Variants in ZMIZ2 observed in about 807,000 individuals in gnomAD.
ZMIZ2 encodes the protein zinc finger MIZ domain-containing protein 2.
A neutral mutation model predicts 93.9 loss-of-function variants in ZMIZ2; 26 were observed. That is an observed-to-expected ratio of 0.28 (90% CI 0.20 to 0.38). ZMIZ2 has a LOEUF of 0.38. ZMIZ2 is among the 10% of genes least tolerant of loss of function. The pLI is 1.00. For missense variants in ZMIZ2, 1,023 were observed against 1,235.0 expected, an observed-to-expected ratio of 0.83 and a Z score of 2.57; for synonymous variants, 485 against 516.4, an observed-to-expected ratio of 0.94 and a Z score of 0.82.
chr7:44,759,467 C>T lies in ZMIZ2; in HGVS notation c.993+7C>T. The T allele has an allele frequency of 6.7e-7, 1 of 1,483,868 alleles. No individual in the cohort carries two copies. Among genetic ancestry groups the T allele is most frequent in the South Asian group, 1.4e-5 (1 of 73,108 alleles). 91.9% of individuals were successfully genotyped at this position (1,483,868 alleles called of 1,614,324 possible). A position where few individuals can be genotyped will look rare whatever the true frequency, so the allele number is the denominator to read the frequency against. On this transcript the variant is annotated splice_region_variant and intron_variant, in intron 7 of 18. Transcript: ENST00000309315. ...CACGGGACTGCATTATAAGGTAGGG[C>T]AGGCTCCTCCAGGCCCTGTGCCGGG...
Position 44,763,121 on chromosome 7 carries a change from G to T in ZMIZ2, c.1702+135G>T. Reference sequence around the variant, plus strand: ...TTGGACAGGTGGCTCTGCAGTAGGGGCAGTGGTTAGTTCCAGGTGGCCCCT... The same window carrying T: ...TTGGACAGGTGGCTCTGCAGTAGGGTCAGTGGTTAGTTCCAGGTGGCCCCT... On this transcript the variant is annotated intron_variant, in intron 12 of 18. Transcript: ENST00000309315. The surrounding 1 kb of genome is among the most constrained non-coding windows in gnomAD (Gnocchi z 5.6). The T allele has an allele frequency of 6.9e-7, 1 of 1,444,060 alleles. No homozygotes were observed. Among genetic ancestry groups the T allele is most frequent in the Admixed American group, 1.9e-5 (1 of 53,026 alleles). The allele number at this position is 1,444,060 out of a possible 1,614,324, so 89.5% of individuals were successfully genotyped here. A position where few individuals can be genotyped will look rare whatever the true frequency, so the allele number is the denominator to read the frequency against.
chr7:44,758,957 C>T (rs1462051048), intron 6 of ZMIZ2, among the ~76,000 whole-genome samples: 14 of 151,380 alleles, frequency 9.2e-5, no homozygotes, highest in Non-Finnish European at 2.9e-5. Context: ...TGGTGTGCAC[C>T]TGTAATTCCA....
rs1164901915 is a variant in ZMIZ2, at chr7:44,767,500, T to G, written c.2656-16T>G. On this transcript the variant is annotated splice_polypyrimidine_tract_variant and intron_variant, in intron 18 of 18. Coordinates refer to ENST00000309315, the MANE Select transcript of ZMIZ2 (RefSeq NM_031449.4). ...TCAGTGACCAAAGCTGCTAACAGAG[T>G]TCACTTTGTCCTCAGCTGCTCCCGG... 1.2e-6 allele frequency: 2 copies of G among 1,608,794 alleles called. No individual in the cohort carries two copies. Among genetic ancestry groups the G allele is most frequent in the African/African-American group, 2.7e-5 (2 of 74,774 alleles).
At position 44,766,132 on chromosome 7, in the gene ZMIZ2, C is replaced by A. The variant is rs779313728; in HGVS notation, c.2243-32C>A. 6.3e-7 allele frequency: 1 copy of A among 1,577,696 alleles called. No individual in the cohort carries two copies. Among genetic ancestry groups the A allele is most frequent in the South Asian group, 1.2e-5 (1 of 86,372 alleles). On this transcript the variant is annotated intron_variant, in intron 16 of 18. Coordinates refer to ENST00000309315, the MANE Select transcript of ZMIZ2 (RefSeq NM_031449.4). This position sits in a 1 kb window ranked among gnomAD's most constrained non-coding sequence, Gnocchi z 4.4. ...CTCTGCCAGCGGTGGCCTTCCCCAG[C>A]CCTCACCCAGGCCCCGACTCTCCTC...
In ZMIZ2 at chr7:44,766,043, G is replaced by A. The variant is rs769724622; in HGVS notation, c.2243-121G>A. The A allele has an allele frequency of 4.7e-5, 69 of 1,463,172 alleles. No individual in the cohort carries two copies. Among genetic ancestry groups the A allele is most frequent in the Non-Finnish European group, 5.6e-5 (62 of 1,115,550 alleles). The allele number at this position is 1,463,172 out of a possible 1,614,324, so 90.6% of individuals were successfully genotyped here. A position where few individuals can be genotyped will look rare whatever the true frequency, so the allele number is the denominator to read the frequency against. ...CCAAATAGCGACTTCTGCAAAACCC[G>A]CTGTTGTTTGTGGGTGAGCACTGCA... On this transcript the variant is annotated intron_variant, in intron 16 of 18. Transcript: ENST00000309315. The surrounding 1 kb of genome is among the most constrained non-coding windows in gnomAD (Gnocchi z 4.4).
chr7:44,754,138 G>A lies in ZMIZ2; in HGVS notation c.-62-2050G>A, dbSNP rs139836817. On this transcript the variant is annotated intron_variant, in intron 1 of 18. Transcript: ENST00000309315. ...AGGCCCCACCCAGCAGTTCTGGGGAGGAGTTTCTGGCTGTTGGCAGGTTCC... is the reference window on the plus strand; with the variant it reads ...AGGCCCCACCCAGCAGTTCTGGGGAAGAGTTTCTGGCTGTTGGCAGGTTCC... Among the ~76,000 whole-genome samples, 103 of 152,348 alleles carry A rather than the reference G, an allele frequency of 6.8e-4. 3 individuals carry two copies. The East Asian group carries it at 0.017, about 26-fold the overall frequency.
intron 4 of ZMIZ2, 59 bp from the exon 5 acceptor site, chr7:44,757,319 C>A: frequency 6.4e-7 from 1 of 1,571,270 alleles, no homozygotes; most frequent in Non-Finnish European, 8.6e-7. Flanking sequence ...CTGGGGTGAG[C>A]ACAGTCCTGG....
intron 7 of ZMIZ2, 34 bp from the exon 8 acceptor site, chr7:44,760,117 G>A: frequency 6.2e-7 from 1 of 1,613,620 alleles, no homozygotes; most frequent in Non-Finnish European, 8.5e-7. Flanking sequence ...GGTCAGGTTG[G>A]AGCCCCAGGT....
upstream of ZMIZ2, chr7:44,748,714 G>A (rs1026347313): frequency 4.0e-5 from 6 of 150,696 alleles, no homozygotes; most frequent in African/African-American, 1.5e-4. Context: ...GCCCCACCCT[G>A]CCGCTTTGGG....
In ZMIZ2 at chr7:44,759,302, C is replaced by T. The variant is rs1169991335; in HGVS notation, c.835C>T (p.Leu279=). The T allele has an allele frequency of 6.4e-7, 1 of 1,567,802 alleles. No individual in the cohort carries two copies. Among genetic ancestry groups the T allele is most frequent in the Admixed American group, 1.9e-5 (1 of 52,496 alleles). The stretch of plus-strand genomic sequence containing the variant: ...TCAGGTGTATCCAGGGCAGCAGTAT[C>T]TGCAAGGAGGCCAGTATGCACCCAG... ...YSEVYPGQQY[L]QGGQYAPSTA... Residue 279 remains leucine (L), a synonymous_variant, in exon 7 of 19, where the codon CTG becomes TTG. Coordinates refer to ENST00000309315, the MANE Select transcript of ZMIZ2 (RefSeq NM_031449.4).
In ZMIZ2 at chr7:44,757,103, G is replaced by A. The variant is rs756876987; in HGVS notation, c.322G>A (p.Val108Met). The change falls in exon 4 of 19, where the codon GTG becomes ATG. Residue 108 changes from valine to methionine, a missense_variant. Physicochemically the swap from Val to Met is conservative, Grantham distance 21. Transcript: ENST00000309315. ...GANKGYVQQG[V>M]YSRGGYPGAP... The stretch of plus-strand genomic sequence containing the variant: ...CAACAAGGGCTACGTGCAGCAAGGC[G>A]TGTACAGCCGCGGGGGCTACCCTGG... The A allele has an allele frequency of 3.5e-5, 56 of 1,602,972 alleles. No individual in the cohort carries two copies. Among genetic ancestry groups the A allele is most frequent in the African/African-American group, 1.1e-4 (8 of 74,298 alleles).
chr7:44,763,777 C>T lies in ZMIZ2; in HGVS notation c.1860+364C>T, dbSNP rs1449623595. 1.2e-5 allele frequency: 3 copies of T among 243,636 alleles called. No homozygotes were observed. The Admixed American group carries it at 1.5e-4, about 12-fold the overall frequency. 15.1% of individuals were successfully genotyped at this position (243,636 alleles called of 1,614,324 possible). A position where few individuals can be genotyped will look rare whatever the true frequency, so the allele number is the denominator to read the frequency against. ...TATGAACAAGTAGATGCACAGCCCA[C>T]TGTCTCTGTGGTTACATAGTGGTCC... On this transcript the variant is annotated intron_variant, in intron 13 of 18. Coordinates refer to ENST00000309315, the MANE Select transcript of ZMIZ2 (RefSeq NM_031449.4). The surrounding 1 kb of genome is among the most constrained non-coding windows in gnomAD (Gnocchi z 5.6).
At position 44,757,989 on chromosome 7, in the gene ZMIZ2, A is replaced by C; in HGVS notation, c.694A>C (p.Thr232Pro). 1 of 1,612,050 alleles carries C rather than the reference A, an allele frequency of 6.2e-7. No homozygotes were observed. Among genetic ancestry groups the C allele is most frequent in the Non-Finnish European group, 8.5e-7 (1 of 1,179,198 alleles). Residue 232 changes from threonine (T) to proline (P), a missense_variant, in exon 6 of 19, where the codon ACC becomes CCC. Physicochemically the swap from Thr to Pro is conservative, Grantham distance 38. Around this residue, in one of 3 missense-constraint regions of ZMIZ2, gnomAD observed 656 missense variants for 777.1 expected, o/e 0.84. Transcript: ENST00000309315. ...CCTCTCCCCCTTGGCTATGAACCCC[A>C]CCCGGGCAGCAGGAATGACACCCTT... ...SGLSPLAMNP[T>P]RAAGMTPLYA...
rs773829844 is a variant in ZMIZ2, at chr7:44,757,450, G to T, written c.441G>T (p.Ala147=). The T allele has an allele frequency of 8.7e-6, 14 of 1,606,924 alleles. No homozygotes were observed. The highest frequency in any genetic ancestry group is 1.2e-5 in the Non-Finnish European group (14 of 1,179,774). The part of the protein sequence containing the change: ...AARPSTDFTQ[A]AAAAAVAAAA... Reference sequence around the variant, plus strand: ...GACCCTCCACTGACTTCACGCAAGCGGCAGCTGCTGCAGCTGTGGCTGCTG... The same window carrying T: ...GACCCTCCACTGACTTCACGCAAGCTGCAGCTGCTGCAGCTGTGGCTGCTG... Residue 147 remains alanine (A), a synonymous_variant, in exon 5 of 19, where the codon GCG becomes GCT. Transcript: ENST00000309315.
chr7:44,765,225 G>A lies in ZMIZ2; in HGVS notation c.1998-110G>A. 1 of 1,556,724 alleles carries A rather than the reference G, an allele frequency of 6.4e-7. No homozygotes were observed. Among genetic ancestry groups the A allele is most frequent in the Non-Finnish European group, 8.7e-7 (1 of 1,151,686 alleles). On this transcript the variant is annotated intron_variant, in intron 15 of 18. Transcript: ENST00000309315. This position sits in a 1 kb window ranked among gnomAD's most constrained non-coding sequence, Gnocchi z 4.1. ...TGTGGAAGGTGCTGGGTGGAAGCAAGCATTTGAGTGGGGGAACCTGCCTGG... is the reference window on the plus strand; with the variant it reads ...TGTGGAAGGTGCTGGGTGGAAGCAAACATTTGAGTGGGGGAACCTGCCTGG...
chr7:44,757,584 C>T (rs1270876247), intron 5 of ZMIZ2, 23 bp downstream of exon 5: 2 of 1,567,914 alleles, frequency 1.3e-6, no homozygotes, highest in Admixed American at 1.9e-5. Flanking sequence ...AGCAGCTCCT[C>T]CCACATGGCA....
rs1791228606 is a variant in ZMIZ2, at chr7:44,761,947, C to T, written c.1596+42C>T. On this transcript the variant is annotated intron_variant, in intron 11 of 18. Transcript: ENST00000309315. This position sits in a 1 kb window ranked among gnomAD's most constrained non-coding sequence, Gnocchi z 5.8. Reference sequence around the variant, plus strand: ...GAGGGGGCGGTGCTGTGGCGTGGGGCGGGGTGTGGTGGGGCCTGGCCCAGC... The same window carrying T: ...GAGGGGGCGGTGCTGTGGCGTGGGGTGGGGTGTGGTGGGGCCTGGCCCAGC... 5.8e-6 allele frequency: 5 copies of T among 861,052 alleles called. No individual in the cohort carries two copies. Among genetic ancestry groups the T allele is most frequent in the Non-Finnish European group, 7.6e-6 (5 of 656,688 alleles). The allele number at this position is 861,052 out of a possible 1,614,324, so 53.3% of individuals were successfully genotyped here.
rs762514911 is a variant in ZMIZ2, at chr7:44,757,153, A to G, written c.368+4A>G. ...GGGCCCCCGGCTTCACCACCGGGTAAGCAAGTTCCCTCACCTGGCAGGTAT... is the reference window on the plus strand; with the variant it reads ...GGGCCCCCGGCTTCACCACCGGGTAGGCAAGTTCCCTCACCTGGCAGGTAT... On this transcript the variant is annotated splice_donor_region_variant and intron_variant, in intron 4 of 18. Transcript: ENST00000309315. The G allele has an allele frequency of 3.1e-6, 5 of 1,595,438 alleles. No individual in the cohort carries two copies. The East Asian group carries it at 8.9e-5, about 29-fold the overall frequency.
In ZMIZ2 at chr7:44,763,032, T is replaced by C. The variant is rs374390749; in HGVS notation, c.1702+46T>C. The C allele has an allele frequency of 1.9e-6, 3 of 1,567,710 alleles. No individual in the cohort carries two copies. The highest frequency in any genetic ancestry group is 2.6e-6 in the Non-Finnish European group (3 of 1,147,882). On this transcript the variant is annotated intron_variant, in intron 12 of 18. Coordinates refer to ENST00000309315, the MANE Select transcript of ZMIZ2 (RefSeq NM_031449.4). The surrounding 1 kb of genome is among the most constrained non-coding windows in gnomAD (Gnocchi z 5.6). ...AGCTGCCAGGCAGCCATCCCCATTC[T>C]GTGTGGCCCAAGCCCAACAATCCTC...
Sources: allele counts gnomAD v4.1 joint callset (sites outside exome capture counted in the v4.1 genomes callset), GRCh38; gene constraint gnomAD v4.1.1; regional missense constraint gnomAD v4.1.1; non-coding constraint Gnocchi (gnomAD v3.1); transcripts MANE v1.5; gene names NCBI Gene and HGNC (gene_info 2026-07-23, HGNC 2026-07-21).